PEX5L: variants seen among roughly 807,000 people sequenced by gnomAD.
PEX5L encodes peroxisomal biogenesis factor 5 like, also known as PEX5-related protein.
Under a neutral mutation model 84.0 loss-of-function variants are expected in PEX5L, and 30 were observed. The ratio of observed to expected loss-of-function variants is 0.36; its 90% CI spans 0.27 to 0.48. The LOEUF is 0.48. Among genes scored for constraint, PEX5L ranks in the 20% least tolerant of loss-of-function variants. The pLI, the probability that PEX5L is intolerant of heterozygous loss-of-function variation, is 0.99. For missense variants in PEX5L, 533 were observed against 754.6 expected (o/e 0.71, Z 3.44); for synonymous variants, 270 against 283.1 (o/e 0.95, Z 0.46).
intron 1 of PEX5L, among the ~76,000 whole-genome samples, chr3:179,977,308 T>C (rs1005749483): frequency 6.6e-6 from 1 of 152,170 alleles, no homozygotes; most frequent in Non-Finnish European, 1.5e-5. Flanking sequence ...GAATGAAGGT[T>C]TTTTGTTTTG....
intron 2 of PEX5L, among the ~76,000 whole-genome samples, chr3:179,936,076 T>C (rs556889935): frequency 1.3e-5 from 2 of 152,148 alleles, no homozygotes; most frequent in Admixed American, 6.5e-5. Context: ...TATCTTGTTA[T>C]AGCAACACAA....
chr3:179,948,447 G>C (rs1486260691), intron 2 of PEX5L, among the ~76,000 whole-genome samples: 1 of 152,158 alleles, frequency 6.6e-6, no homozygotes, highest in African/African-American at 2.4e-5. Context: ...AAATTATCAG[G>C]GGGAAAATTA....
intron 7 of PEX5L, among the ~76,000 whole-genome samples, chr3:179,862,835 A>T (rs958195776): frequency 6.6e-6 from 1 of 152,208 alleles, no homozygotes; most frequent in African/African-American, 2.4e-5. Context: ...AATAAAAAAA[A>T]ATCATAAAAT....
chr3:179,816,908 C>T (rs777775232), intron 9 of PEX5L, among the ~76,000 whole-genome samples: 7 of 151,838 alleles, frequency 4.6e-5, no homozygotes, highest in African/African-American at 1.5e-4. Context: ...AACCGAGATA[C>T]GACCACTAAT....
intron 8 of PEX5L, among the ~76,000 whole-genome samples, chr3:179,854,409 G>A (rs913151712): frequency 8.6e-5 from 13 of 152,022 alleles, no homozygotes; most frequent in African/African-American, 3.1e-4. Context: ...AAGTAAAAAT[G>A]GGTTCATACC....
At chr3:179,968,739 G>GTT (rs1443840386) in intron 2 of PEX5L, among the ~76,000 whole-genome samples, 4 of 150,722 alleles carry the variant, frequency 2.7e-5, no homozygotes, top group Non-Finnish European at 5.9e-5. Context: ...GTGTCTGTGT[G>GTT]TCTGTGTATC....
chr3:179,818,593 C>T (rs75245291), intron 9 of PEX5L, among the ~76,000 whole-genome samples: 1 of 151,966 alleles, frequency 6.6e-6, no homozygotes, highest in Non-Finnish European at 1.5e-5. Context: ...TCCCTACCCC[C>T]CTCCCCTGCC....
At chr3:179,905,488 T>C (rs1762866695) in intron 2 of PEX5L, among the ~76,000 whole-genome samples, 1 of 152,100 alleles carries the variant, frequency 6.6e-6, no homozygotes, top group Admixed American at 6.6e-5. Flanking sequence ...TTAGCCAGGA[T>C]GGTCTCGTGA....
intron 1 of PEX5L, among the ~76,000 whole-genome samples, chr3:180,024,381 CAAAAAA>C (rs112285009): frequency 1.5e-4 from 15 of 100,900 alleles, no homozygotes; most frequent in African/African-American, 5.2e-4. Flanking sequence ...TATACACACA[CAAAAAA>C]AAAAAAAATT....
At chr3:179,814,276 G>C (rs1393454882) in intron 10 of PEX5L, among the ~76,000 whole-genome samples, 1 of 152,118 alleles carries the variant, frequency 6.6e-6, no homozygotes, top group Non-Finnish European at 1.5e-5. Flanking sequence ...TAAAAATGAA[G>C]GCTAAATATT....
intron 2 of PEX5L, among the ~76,000 whole-genome samples, chr3:179,956,305 C>T (rs149297098): frequency 3.9e-5 from 6 of 152,208 alleles, no homozygotes; most frequent in African/African-American, 1.4e-4. Context: ...AAGAGTTTTG[C>T]ATTTTGGAGC....
chr3:179,834,129 T>C (rs996429623), intron 8 of PEX5L, among the ~76,000 whole-genome samples: 1 of 152,326 alleles, frequency 6.6e-6, no homozygotes, highest in African/African-American at 2.4e-5. Flanking sequence ...TGTGAGCCAC[T>C]GCACTCTGCC....
chr3:180,026,438 T>C (rs1225711269), intron 1 of PEX5L, among the ~76,000 whole-genome samples: 2 of 152,184 alleles, frequency 1.3e-5, no homozygotes, highest in East Asian at 1.9e-4. Flanking sequence ...ATATGAAACA[T>C]GAATGTGCCC....
chr3:179,949,279 CTAA>C (rs1047338494), intron 2 of PEX5L, among the ~76,000 whole-genome samples: 27 of 152,082 alleles, frequency 1.8e-4, no homozygotes, highest in African/African-American at 6.5e-4. Context: ...AAAATTACTA[CTAA>C]TATTTTAGAA....
chr3:180,024,382 A>ACACACAC (rs1553929519), intron 1 of PEX5L, among the ~76,000 whole-genome samples: 1 of 114,816 alleles, frequency 8.7e-6, no homozygotes, highest in Non-Finnish European at 1.7e-5. Context: ...ATACACACAC[A>ACACACAC]AAAAAAAAAA....
intron 2 of PEX5L, among the ~76,000 whole-genome samples, chr3:179,912,224 G>C (rs1358584430): frequency 1.3e-5 from 2 of 152,058 alleles, no homozygotes; most frequent in African/African-American, 4.8e-5. Flanking sequence ...TTGCTTAAAA[G>C]TTTTTCTCAA....
intron 2 of PEX5L, among the ~76,000 whole-genome samples, chr3:179,955,742 G>A (rs1780369223): frequency 6.6e-6 from 1 of 151,922 alleles, no homozygotes. Flanking sequence ...TTTTGGGGCA[G>A]TTGAAAAACA....
At chr3:179,802,484 G>A (rs1463419713) in intron 14 of PEX5L, among the ~76,000 whole-genome samples, 1 of 134,344 alleles carries the variant, frequency 7.4e-6, no homozygotes, top group Admixed American at 8.4e-5. Flanking sequence ...GCAGTGAGCC[G>A]AGATCACACC....
chr3:179,987,348 A>G (rs1786950189), intron 1 of PEX5L, among the ~76,000 whole-genome samples: 1 of 151,462 alleles, frequency 6.6e-6, no homozygotes, highest in Admixed American at 6.6e-5. Flanking sequence ...GGTTGAATTA[A>G]CAATGTGTAA....
Sources: gnomAD v4.1 joint callset for allele counts (sites outside exome capture counted in the v4.1 genomes callset) on GRCh38, gnomAD v4.1.1 for gene constraint, MANE v1.5 for transcripts, NCBI Gene and HGNC (gene_info 2026-07-23, HGNC 2026-07-21) for gene names.